The following CERKL variants were observed in gnomAD, a reference collection of about 807,000 sequenced individuals.
CERKL encodes the protein CERK like autophagy regulator.
A neutral mutation model predicts 63.4 loss-of-function variants in CERKL; 61 were observed. The ratio of observed to expected loss-of-function variants is 0.96; its 90% confidence interval spans 0.78 to 1.19. CERKL has a LOEUF of 1.19. Ranked by LOEUF, CERKL falls within the 50% of genes most tolerant of loss-of-function variation. CERKL has a pLI of 0.00. For missense variants in CERKL, 675 were observed against 655.5 expected, an observed-to-expected ratio of 1.03 and a Z score of -0.33; for synonymous variants, 250 against 230.5, an observed-to-expected ratio of 1.08 and a Z score of -0.77.
At chr2:181,549,134 T>C (rs941533612) in intron 6 of CERKL, among the ~76,000 whole-genome samples, 1 of 152,170 alleles carries the variant, frequency 6.6e-6, no homozygotes, top group African/African-American at 2.4e-5. Flanking sequence ...TTAAAGTAGA[T>C]AGGCAAGGTA....
intron 10 of CERKL, among the ~76,000 whole-genome samples, chr2:181,546,379 G>T (rs192324881): frequency 4.6e-5 from 7 of 152,248 alleles, no homozygotes; most frequent in Admixed American, 3.3e-4. Context: ...AGCTAGCCAC[G>T]TCTTCAAGTT....
chr2:181,599,722 A>ATGACTTAC (rs1200910184), intron 2 of CERKL, among the ~76,000 whole-genome samples: 1 of 152,096 alleles, frequency 6.6e-6, no homozygotes, highest in Non-Finnish European at 1.5e-5. Context: ...AACCAAACCT[A>ATGACTTAC]TGACTTACTG....
intron 2 of CERKL, chr2:181,603,066 G>T (rs1685523879): frequency 4.2e-6 from 1 of 236,186 alleles, no homozygotes; most frequent in Non-Finnish European, 9.3e-6. Flanking sequence ...TTCATTAAGA[G>T]ATATATCCTA....
intron 1 of CERKL, among the ~76,000 whole-genome samples, chr2:181,613,548 G>A (rs1395987840): frequency 3.3e-5 from 5 of 152,038 alleles, no homozygotes; most frequent in Non-Finnish European, 1.5e-5. Flanking sequence ...TCACACGAAT[G>A]GTCTTTTTGC....
intron 2 of CERKL, among the ~76,000 whole-genome samples, chr2:181,583,080 G>T (rs191727700): frequency 5.3e-4 from 81 of 151,594 alleles, no homozygotes; most frequent in African/African-American, 1.9e-3. Context: ...TTTTTAATAT[G>T]CGCTATATTT....
intron 1 of CERKL, among the ~76,000 whole-genome samples, chr2:181,653,985 C>G (rs567072001): frequency 6.6e-6 from 1 of 151,990 alleles, no homozygotes; most frequent in South Asian, 2.1e-4. Context: ...AATTGTACAA[C>G]GTAAATATCA....
intron 1 of CERKL, among the ~76,000 whole-genome samples, chr2:181,647,454 T>C (rs1023673181): frequency 3.3e-5 from 5 of 152,024 alleles, no homozygotes; most frequent in African/African-American, 1.2e-4. Flanking sequence ...CTAGCAAAAC[T>C]ATACCACCAT....
intron 4 of CERKL, among the ~76,000 whole-genome samples, chr2:181,565,242 C>T (rs934718216): frequency 2.6e-5 from 4 of 152,104 alleles, no homozygotes; most frequent in Non-Finnish European, 5.9e-5. Context: ...GGGTCTTTGC[C>T]CCCTGCCCAT....
chr2:181,588,316 T>G (rs1684850244), intron 2 of CERKL, among the ~76,000 whole-genome samples: 1 of 152,172 alleles, frequency 6.6e-6, no homozygotes. Flanking sequence ...GAGTTCAACT[T>G]TTAAAATTCC....
At chr2:181,605,284 A>G (rs1685631449) in intron 1 of CERKL, among the ~76,000 whole-genome samples, 1 of 152,224 alleles carries the variant, frequency 6.6e-6, no homozygotes. Context: ...AGGGGACTAG[A>G]GTTCACTGTG....
intron 11 of CERKL, among the ~76,000 whole-genome samples, chr2:181,543,121 T>TA (rs1206963007): frequency 6.6e-6 from 1 of 152,188 alleles, no homozygotes; most frequent in African/African-American, 2.4e-5. Flanking sequence ...ATTTATTTAA[T>TA]AAAAAAGGAT....
intron 1 of CERKL, among the ~76,000 whole-genome samples, chr2:181,607,103 C>A (rs1685751831): frequency 6.6e-6 from 1 of 152,130 alleles, no homozygotes; most frequent in South Asian, 2.1e-4. Flanking sequence ...ATGCAAAGCA[C>A]AAAGCACACA....
rs1295571010 is a variant in CERKL at position 181,536,764 on chromosome 2, AT to A, written c.*1419del. 1 of 248,518 alleles carries A rather than the reference AT, an allele frequency of 4.0e-6. No individual in the cohort carries two copies. The highest frequency in any genetic ancestry group is 2.3e-5 in the African/African-American group (1 of 43,576). 15.4% of individuals were successfully genotyped at this position (248,518 alleles called of 1,614,324 possible). The stretch of plus-strand genomic sequence containing the variant: ...TCTGGATTTTAAAAAATTTCTTTAA[AT>A]ACAATCATTTTTGTAATATTTATTT... On this transcript the variant is annotated 3_prime_UTR_variant, in exon 13 of 13. Transcript: ENST00000410087.
At chr2:181,612,574 T>C (rs558433325) in intron 1 of CERKL, among the ~76,000 whole-genome samples, 8 of 152,088 alleles carry the variant, frequency 5.3e-5, no homozygotes, top group Non-Finnish European at 1.2e-4. Context: ...AGTGTTCTCA[T>C]ACTTAATTGG....
chr2:181,621,493 G>A (rs1686446068), intron 1 of CERKL, among the ~76,000 whole-genome samples: 1 of 152,164 alleles, frequency 6.6e-6, no homozygotes, highest in Non-Finnish European at 1.5e-5. Context: ...CAAAGAGTCT[G>A]ATACTAAAAT....
intron 9 of CERKL, 40 bp from the exon 10 acceptor site, chr2:181,547,766 G>A (rs1222481085): frequency 6.2e-7 from 1 of 1,613,652 alleles, no homozygotes; most frequent in Non-Finnish European, 8.5e-7. Context: ...TCCCTCACCA[G>A]AACAAAATGT....
chr2:181,584,744 CT>C, intron 2 of CERKL, among the ~76,000 whole-genome samples: 1 of 151,900 alleles, frequency 6.6e-6, no homozygotes, highest in East Asian at 2.0e-4. Context: ...ACTCTCTCCA[CT>C]TAGTGGCCAC....
At chr2:181,633,844 G>A (rs374588444) in intron 1 of CERKL, among the ~76,000 whole-genome samples, 10 of 152,212 alleles carry the variant, frequency 6.6e-5, no homozygotes, top group East Asian at 3.9e-4. Flanking sequence ...TTCTTTGCCT[G>A]TCTTCACACA....
chr2:181,593,213 A>G (rs1685060110), intron 2 of CERKL, among the ~76,000 whole-genome samples: 1 of 152,164 alleles, frequency 6.6e-6, no homozygotes, highest in African/African-American at 2.4e-5. Flanking sequence ...TAAAAATTCT[A>G]TCAGTCACAA....
Sources: gnomAD v4.1 joint callset for allele counts (sites outside exome capture counted in the v4.1 genomes callset) on GRCh38, gnomAD v4.1.1 for gene constraint, MANE v1.5 for transcripts, NCBI Gene and HGNC (gene_info 2026-07-23, HGNC 2026-07-21) for gene names.